Variants in LYN observed in about 807,000 individuals in gnomAD.
LYN encodes the protein tyrosine-protein kinase Lyn.
LYN carries 12 observed loss-of-function variants against 65.0 expected under a neutral mutation model. That is an observed-to-expected ratio of 0.18 (90% CI 0.12 to 0.30). LYN has a LOEUF of 0.30. Ranked by LOEUF, LYN falls within the 10% of genes least tolerant of loss-of-function variation. The pLI, the probability that LYN is intolerant of heterozygous loss-of-function variation, is 1.00. For synonymous variants in LYN, 222 were observed against 221.2 expected (o/e 1.00, Z -0.03); for missense variants, 380 against 623.2 (o/e 0.61, Z 4.16).
intron 1 of LYN, among the ~76,000 whole-genome samples, chr8:55,925,462 C>T (rs1563513356): frequency 2.0e-5 from 3 of 152,178 alleles, no homozygotes; most frequent in South Asian, 2.1e-4. Context: ...ATTTCTTTTG[C>T]GTTTAAAATC....
intron 10 of LYN, among the ~76,000 whole-genome samples, chr8:55,979,050 C>CTTTTT (rs11287133): frequency 2.2e-4 from 16 of 74,254 alleles, no homozygotes; most frequent in African/African-American, 6.6e-4. Flanking sequence ...ACTTCTCATT[C>CTTTTT]TTTTTTTTTT....
At chr8:55,900,754 C>T (rs1805238125) in intron 1 of LYN, among the ~76,000 whole-genome samples, 2 of 152,018 alleles carry the variant, frequency 1.3e-5, no homozygotes, top group Admixed American at 1.3e-4. Flanking sequence ...TGGATTAAAC[C>T]TTCTCTTCAG....
At chr8:55,956,737 G>A (rs962092431) in intron 8 of LYN, among the ~76,000 whole-genome samples, 3 of 152,156 alleles carry the variant, frequency 2.0e-5, no homozygotes, top group Non-Finnish European at 2.9e-5. Context: ...CTCACGTCAA[G>A]ATCCAGGGAC....
intron 8 of LYN, among the ~76,000 whole-genome samples, chr8:55,954,801 C>T (rs1211746010): frequency 6.6e-6 from 1 of 151,784 alleles, no homozygotes; most frequent in African/African-American, 2.4e-5. Context: ...CACTCCTGCA[C>T]TCCAGCCTGG....
At chr8:56,004,275 A>C (rs1188600296) in intron 12 of LYN, among the ~76,000 whole-genome samples, 1 of 150,154 alleles carries the variant, frequency 6.7e-6, no homozygotes, top group Non-Finnish European at 1.5e-5. Flanking sequence ...ACATTAAAAA[A>C]GTAGTACAGA....
intron 9 of LYN, 58 bp downstream of exon 9, chr8:55,966,955 TGTAAGTGTTCAGAG>T: frequency 6.6e-7 from 1 of 1,521,306 alleles, no homozygotes; most frequent in South Asian, 1.2e-5. Flanking sequence ...AAGTAAAATG[TGTAAGTGTTCAGAG>T]GTCACTCAAC....
intron 10 of LYN, among the ~76,000 whole-genome samples, chr8:55,994,118 C>T (rs1003647825): frequency 2.6e-5 from 4 of 152,030 alleles, no homozygotes; most frequent in Admixed American, 1.3e-4. Context: ...AAATAGACCA[C>T]CTTCAACAAC....
At chr8:55,933,213 C>T (rs16922422) in intron 1 of LYN, among the ~76,000 whole-genome samples, 1 of 152,152 alleles carries the variant, frequency 6.6e-6, no homozygotes, top group Non-Finnish European at 1.5e-5. Flanking sequence ...TTAAAACTAT[C>T]CCATCTAATA....
intron 10 of LYN, among the ~76,000 whole-genome samples, chr8:55,977,002 T>C (rs1429008190): frequency 6.6e-6 from 1 of 151,854 alleles, no homozygotes; most frequent in African/African-American, 2.4e-5. Context: ...CTGGCCAACA[T>C]GGTGAAACCC....
At chr8:55,921,208 C>T (rs1805938428) in intron 1 of LYN, among the ~76,000 whole-genome samples, 1 of 152,118 alleles carries the variant, frequency 6.6e-6, no homozygotes, top group South Asian at 2.1e-4. Context: ...TGCTGCTGAC[C>T]ACAAACTATG....
intron 1 of LYN, among the ~76,000 whole-genome samples, chr8:55,890,629 C>G (rs1425557113): frequency 6.6e-6 from 1 of 151,906 alleles, no homozygotes; most frequent in Non-Finnish European, 1.5e-5. Context: ...TGTTTGTACA[C>G]TTGTGTTCAT....
intron 12 of LYN, among the ~76,000 whole-genome samples, chr8:56,009,480 G>A (rs1189050442): frequency 1.3e-5 from 2 of 152,206 alleles, no homozygotes; most frequent in Non-Finnish European, 2.9e-5. Flanking sequence ...GAGTTTCAAA[G>A]TCCAAGGTCA....
intron 1 of LYN, among the ~76,000 whole-genome samples, chr8:55,915,583 G>A (rs1805760010): frequency 2.0e-5 from 3 of 152,186 alleles, no homozygotes; most frequent in Admixed American, 2.0e-4. Context: ...GCGGATGCCT[G>A]TAATCCCAGC....
At chr8:55,954,025 G>A (rs944550298) in intron 8 of LYN, 41 bp downstream of exon 8, 1 of 1,601,958 alleles carries the variant, frequency 6.2e-7, no homozygotes, top group Non-Finnish European at 8.5e-7. Flanking sequence ...TCTAGAGATG[G>A]TGACAGGAGA....
intron 6 of LYN, among the ~76,000 whole-genome samples, chr8:55,951,695 TA>T (rs937960050): frequency 2.2e-4 from 33 of 151,446 alleles, no homozygotes; most frequent in African/African-American, 7.5e-4. Context: ...CAAAGTAACT[TA>T]AAAAAATTTA....
chr8:55,935,780 A>C (rs1367477746), intron 1 of LYN, among the ~76,000 whole-genome samples: 3 of 65,388 alleles, frequency 4.6e-5, no homozygotes, highest in African/African-American at 2.6e-4. Context: ...GACTCCATCC[A>C]AAAAAAAAAA....
At chr8:55,968,349 A>T (rs1807518571) in intron 9 of LYN, among the ~76,000 whole-genome samples, 1 of 152,010 alleles carries the variant, frequency 6.6e-6, no homozygotes, top group African/African-American at 2.4e-5. Context: ...TCTGCCTCCC[A>T]GGTTCCAGTG....
chr8:55,992,869 A>G (rs1364734647), intron 10 of LYN, among the ~76,000 whole-genome samples: 1 of 152,184 alleles, frequency 6.6e-6, no homozygotes, highest in Non-Finnish European at 1.5e-5. Flanking sequence ...CCTTAATCCA[A>G]TTCATGAGGG....
chr8:55,907,966 A>G (rs913777118), intron 1 of LYN, among the ~76,000 whole-genome samples: 17 of 152,188 alleles, frequency 1.1e-4, no homozygotes, highest in Non-Finnish European at 1.5e-5. Flanking sequence ...CAAACATTTT[A>G]TTACCTTAGC....
Sources: gnomAD v4.1 joint callset for allele counts (sites outside exome capture counted in the v4.1 genomes callset) on GRCh38, gnomAD v4.1.1 for gene constraint, MANE v1.5 for transcripts, NCBI Gene and HGNC (gene_info 2026-07-23, HGNC 2026-07-21) for gene names.